Variants in SAMD12 observed in about 807,000 individuals in gnomAD.
SAMD12 encodes sterile alpha motif domain-containing protein 12.
A neutral mutation model predicts 15.0 loss-of-function variants in SAMD12; 9 were observed. That is an observed-to-expected ratio of 0.60 (90% CI 0.36 to 1.05). SAMD12 has a LOEUF of 1.05. Among genes scored for constraint, SAMD12 ranks in the 50% least tolerant of loss-of-function variants. The pLI, the probability that SAMD12 is intolerant of heterozygous loss-of-function variation, is 0.01. For synonymous variants in SAMD12, 86 were observed against 90.1 expected (o/e 0.96, Z 0.25); for missense variants, 230 against 234.2 (o/e 0.98, Z 0.12).
At chr8:118,469,869 A>G (rs182526094) in intron 2 of SAMD12, among the ~76,000 whole-genome samples, 1 of 151,980 alleles carries the variant, frequency 6.6e-6, no homozygotes, top group Non-Finnish European at 1.5e-5. Flanking sequence ...AGCCTGTACT[A>G]TAATTTTTAT....
intron 1 of SAMD12, among the ~76,000 whole-genome samples, chr8:118,617,301 C>G (rs563819092): frequency 1.3e-5 from 2 of 152,204 alleles, no homozygotes; most frequent in African/African-American, 4.8e-5. Flanking sequence ...AAACGTTTGA[C>G]GCTATCTCAT....
chr8:118,228,233 A>G (rs976599237), intron 4 of SAMD12, among the ~76,000 whole-genome samples: 3 of 152,208 alleles, frequency 2.0e-5, no homozygotes, highest in Admixed American at 2.0e-4. Flanking sequence ...CAAGGATTTC[A>G]TGACCAAGAA....
At chr8:118,371,888 T>C (rs138445781) in intron 4 of SAMD12, among the ~76,000 whole-genome samples, 4 of 152,190 alleles carry the variant, frequency 2.6e-5, no homozygotes, top group African/African-American at 9.6e-5. Flanking sequence ...AGAGGGCAGT[T>C]TGCCAACAGC....
chr8:118,333,318 T>C (rs750240856), intron 4 of SAMD12, among the ~76,000 whole-genome samples: 1 of 152,166 alleles, frequency 6.6e-6, no homozygotes, highest in Non-Finnish European at 1.5e-5. Context: ...TGCTGTGTTA[T>C]GGCGCTCCAA....
downstream of SAMD12, chr8:118,189,453 G>A (rs538174194): frequency 2.8e-4 from 43 of 152,120 alleles, no homozygotes; most frequent in Middle Eastern, 3.4e-3. Context: ...GAATCAAAAC[G>A]CTTTTACACG....
chr8:118,263,218 T>A (rs199753751), intron 4 of SAMD12, among the ~76,000 whole-genome samples: 1 of 152,136 alleles, frequency 6.6e-6, no homozygotes, highest in East Asian at 1.9e-4. Context: ...GGAAGACAAG[T>A]TGTAAAGTTT....
chr8:118,186,009 A>G (rs1382542314), downstream of SAMD12, among the ~76,000 whole-genome samples: 2 of 152,284 alleles, frequency 1.3e-5, no homozygotes, highest in Non-Finnish European at 2.9e-5. Context: ...TGTTTGTTCT[A>G]TGGGCTGTAA....
At chr8:118,589,554 G>C (rs979433366) in intron 1 of SAMD12, among the ~76,000 whole-genome samples, 1 of 152,076 alleles carries the variant, frequency 6.6e-6, no homozygotes, top group African/African-American at 2.4e-5. Flanking sequence ...AGTAAAGTGG[G>C]GACAGACTTT....
chr8:118,510,605 G>A (rs1288906208), intron 2 of SAMD12, among the ~76,000 whole-genome samples: 3 of 152,266 alleles, frequency 2.0e-5, no homozygotes, highest in Non-Finnish European at 2.9e-5. Context: ...CTCCCCCAGG[G>A]TTATGCAGTG....
chr8:118,279,033 G>A (rs1813540631), intron 4 of SAMD12, among the ~76,000 whole-genome samples: 7 of 152,084 alleles, frequency 4.6e-5, no homozygotes, highest in Admixed American at 4.6e-4. Flanking sequence ...TGAAATGGGT[G>A]TGTTTATATA....
At chr8:118,510,438 TG>T (rs1825047564) in intron 2 of SAMD12, among the ~76,000 whole-genome samples, 1 of 152,160 alleles carries the variant, frequency 6.6e-6, no homozygotes, top group Non-Finnish European at 1.5e-5. Flanking sequence ...GAACTACACA[TG>T]TTTTATAGAG....
intron 4 of SAMD12, among the ~76,000 whole-genome samples, chr8:118,315,377 C>A (rs928199740): frequency 6.6e-6 from 1 of 152,064 alleles, no homozygotes; most frequent in Non-Finnish European, 1.5e-5. Flanking sequence ...AGGCAATTAC[C>A]CTAATTTGCA....
chr8:118,311,664 C>T (rs775721123), intron 4 of SAMD12, among the ~76,000 whole-genome samples: 20 of 152,210 alleles, frequency 1.3e-4, no homozygotes, highest in Non-Finnish European at 2.9e-4. Flanking sequence ...TTAAGTCTCT[C>T]AGAAAAGAAT....
intron 2 of SAMD12, among the ~76,000 whole-genome samples, chr8:118,570,973 G>A (rs113455507): frequency 3.8e-4 from 58 of 152,180 alleles, no homozygotes; most frequent in African/African-American, 1.1e-3. Flanking sequence ...CTTACCTTCC[G>A]CCATTATTGT....
At chr8:118,167,205 G>A in the SAMD12 span, among the ~76,000 whole-genome samples, 2 of 148,286 alleles carry the variant, frequency 1.3e-5, no homozygotes, top group South Asian at 2.3e-4. Flanking sequence ...CCCCCCACAC[G>A]GACAGCTGGG....
chr8:118,370,176 G>GA (rs1189550075), intron 4 of SAMD12, among the ~76,000 whole-genome samples: 3 of 151,614 alleles, frequency 2.0e-5, no homozygotes, highest in Non-Finnish European at 2.9e-5. Flanking sequence ...CAAAAAACAT[G>GA]AAAAAAAAGC....
intron 1 of SAMD12, among the ~76,000 whole-genome samples, chr8:118,617,126 A>G (rs1224776778): frequency 6.6e-6 from 1 of 152,228 alleles, no homozygotes; most frequent in Non-Finnish European, 1.5e-5. Context: ...ACCCAAAGTC[A>G]GAAAAAAATA....
intron 2 of SAMD12, among the ~76,000 whole-genome samples, chr8:118,518,636 T>C (rs1363567935): frequency 6.6e-6 from 1 of 152,160 alleles, no homozygotes; most frequent in Non-Finnish European, 1.5e-5. Flanking sequence ...CCTAGCAACA[T>C]ACGAGCCCCA....
intron 2 of SAMD12, among the ~76,000 whole-genome samples, chr8:118,565,849 A>G (rs1329751209): frequency 2.0e-5 from 3 of 152,196 alleles, no homozygotes; most frequent in South Asian, 2.1e-4. Flanking sequence ...CTTTGCCTCC[A>G]TAGGTTACAC....
Sources: allele counts gnomAD v4.1 joint callset (sites outside exome capture counted in the v4.1 genomes callset), GRCh38; gene constraint gnomAD v4.1.1; transcripts MANE v1.5; gene names NCBI Gene and HGNC (gene_info 2026-07-23, HGNC 2026-07-21).